The following INPP5K variants were observed in gnomAD, a reference collection of about 807,000 sequenced individuals.
The protein encoded by INPP5K is inositol polyphosphate-5-phosphatase K, also known as inositol polyphosphate 5-phosphatase K.
A neutral mutation model predicts 53.5 loss-of-function variants in INPP5K; 35 were observed. The ratio of observed to expected loss-of-function variants is 0.65; its 90% CI spans 0.50 to 0.87. The LOEUF is 0.87. Among genes scored for constraint, INPP5K ranks in the 40% least tolerant of loss-of-function variants. INPP5K has a pLI of 0.00. For missense variants in INPP5K, 550 were observed against 586.2 expected (o/e 0.94, Z 0.64); for synonymous variants, 253 against 232.8 (o/e 1.09, Z -0.79).
chr17:1,516,136 A>C, intron 1 of INPP5K: 1 of 1,274,036 alleles, frequency 7.8e-7, no homozygotes, highest in East Asian at 3.7e-5. Context: ...AAAGTAGGAA[A>C]AAGATTTCTA....
At position 1,495,954 on chromosome 17, in the gene INPP5K, C is replaced by T. The variant is rs866400524; in HGVS notation, c.1291-75G>A. On this transcript the variant is annotated intron_variant, in intron 11 of 11. Coordinates refer to ENST00000421807, the MANE Select transcript of INPP5K (RefSeq NM_016532.4). ...GCTTTCCATCACCCCCGTTCCTGCA[C>T]TGCAGCGGCCCCTCATGTACCGGCT... is the stretch of plus-strand genomic sequence containing the variant. 2.1e-6 allele frequency: 3 copies of T among 1,430,268 alleles called. No individual in the cohort carries two copies. In the Middle Eastern group the frequency reaches 5.3e-4, roughly 253 times the overall value. 88.6% of individuals were successfully genotyped at this position (1,430,268 alleles called of 1,614,324 possible).
chr17:1,508,612 C>A, intron 5 of INPP5K: 1 of 302,244 alleles, frequency 3.3e-6, no homozygotes, highest in East Asian at 9.0e-5. Flanking sequence ...CCCAGGCAGG[C>A]AAAGCAAGGG....
intron 7 of INPP5K, among the ~76,000 whole-genome samples, chr17:1,501,379 CAG>C (rs2075008806): frequency 1.3e-5 from 2 of 152,210 alleles, no homozygotes; most frequent in South Asian, 4.1e-4. Flanking sequence ...ACTTTTGAAT[CAG>C]AGACCAGTTG....
At chr17:1,511,886 C>A (rs4566238) in intron 3 of INPP5K, among the ~76,000 whole-genome samples, 14,107 of 124,098 alleles carry the variant, frequency 0.11, 827 homozygotes, top group East Asian at 0.16. Context: ...AGGGTGGGGT[C>A]GGGGCAGGAC....
intron 7 of INPP5K, among the ~76,000 whole-genome samples, chr17:1,502,616 C>T (rs1331982017): frequency 3.3e-5 from 5 of 151,814 alleles, no homozygotes; most frequent in African/African-American, 2.4e-5. Flanking sequence ...TTATGTGCCC[C>T]GCAACTGGGG....
At chr17:1,500,995 A>G (rs894052729) in intron 7 of INPP5K, among the ~76,000 whole-genome samples, 5 of 135,480 alleles carry the variant, frequency 3.7e-5, no homozygotes, top group Non-Finnish European at 6.2e-5. Flanking sequence ...GAGTCTCGCT[A>G]TCGCCCAGGC....
At position 1,498,033 on chromosome 17, in the gene INPP5K, G is replaced by A. The variant is rs61735262; in HGVS notation, c.866C>T (p.Pro289Leu). 1,421 of 1,614,104 alleles carry A rather than the reference G, an allele frequency of 8.8e-4. 9 individuals are homozygous for A. In the African/African-American group the frequency reaches 0.015, roughly 17 times the overall value. ...CAGAGACAAGGAGAAGTGTGACGCC[G>A]GCGGTATGGGAGTGTCGGGGCCAGC... ...PCAGPDTPIP[P>L]ASHFSLSLRG... Residue 289 changes from proline (P) to leucine (L), a missense_variant, in exon 8 of 12, where the codon CCG (proline) becomes CTG (leucine). Coordinates refer to ENST00000421807, the MANE Select transcript of INPP5K (RefSeq NM_016532.4).
At chr17:1,499,040 A>G (rs2074936044) in intron 7 of INPP5K, among the ~76,000 whole-genome samples, 1 of 152,244 alleles carries the variant, frequency 6.6e-6, no homozygotes, top group Non-Finnish European at 1.5e-5. Flanking sequence ...CTTAACCACC[A>G]AACTAAACTA....
chr17:1,509,740 C>T lies in INPP5K; in HGVS notation c.321G>A (p.Leu107=). ...LLLVFAKYQH[L]PYIQILSTKS... is the part of the protein sequence containing the mutation. ...TAGTAGACAGAATCTGGATATAGGG[C>T]AAATGCTGATACTTGGCAAAGACCA... Residue 107 remains leucine (L), a synonymous_variant, in exon 4 of 12, where the codon TTG becomes TTA. Coordinates refer to ENST00000421807, the MANE Select transcript of INPP5K (RefSeq NM_016532.4). 6.2e-7 allele frequency: 1 copy of T among 1,613,822 alleles called. No individual in the cohort carries two copies. The highest frequency in any genetic ancestry group is 1.1e-5 in the South Asian group (1 of 91,050).
intron 1 of INPP5K, chr17:1,515,803 A>G (rs1048922494): frequency 2.6e-6 from 2 of 755,414 alleles, no homozygotes; most frequent in Non-Finnish European, 1.6e-6. Flanking sequence ...TTTGAGCTTC[A>G]TTTGTTTACG....
chr17:1,510,711 T>C (rs2075287249), intron 3 of INPP5K, among the ~76,000 whole-genome samples: 1 of 152,128 alleles, frequency 6.6e-6, no homozygotes, highest in South Asian at 2.1e-4. Flanking sequence ...GCTGCAGCCT[T>C]GACATCCTGG....
At chr17:1,503,769 C>T (rs2075091245) in intron 7 of INPP5K, among the ~76,000 whole-genome samples, 1 of 152,108 alleles carries the variant, frequency 6.6e-6, no homozygotes. Context: ...TATAACAAAA[C>T]TCCAGTGTAA....
In INPP5K at chr17:1,503,098, C is replaced by T. The variant is rs186390186; in HGVS notation, c.776+3882G>A. The stretch of plus-strand genomic sequence containing the variant: ...ATGGGGTTTCACCATGTTGCCCAGG[C>T]TGAACCTGAGCTCCTGGGTTCAAGT... On this transcript the variant is annotated intron_variant, in intron 7 of 11. Coordinates refer to ENST00000421807, the MANE Select transcript of INPP5K (RefSeq NM_016532.4). Among the ~76,000 whole-genome samples, 6 of 151,904 alleles carry T rather than the reference C, an allele frequency of 3.9e-5. No homozygotes were observed. In the East Asian group the frequency reaches 1.2e-3, roughly 29 times the overall value.
In INPP5K at chr17:1,506,979, C is replaced by A. The variant is rs1181303723; in HGVS notation, c.776+1G>T. 2.5e-6 allele frequency: 4 copies of A among 1,610,438 alleles called. No individual in the cohort carries two copies. The highest frequency in any genetic ancestry group is 3.4e-6 in the Non-Finnish European group (4 of 1,176,764). On this transcript the variant is annotated splice_donor_variant, in intron 7 of 11. Transcript: ENST00000421807. LOFTEE classifies it high-confidence loss of function. ...CTTCTGGCCCCCCACTCCCTCCTCA[C>A]CTGGTGTCATAGTCGTTGGAGTTCC... is the stretch of plus-strand genomic sequence containing the variant.
At chr17:1,502,130 ATG>A in intron 7 of INPP5K, among the ~76,000 whole-genome samples, 2 of 151,952 alleles carry the variant, frequency 1.3e-5, no homozygotes, top group Non-Finnish European at 2.9e-5. Context: ...CGGGCAGATC[ATG>A]AGGTCAGGAC....
intron 3 of INPP5K, among the ~76,000 whole-genome samples, chr17:1,512,139 C>T (rs1317962003): frequency 6.6e-6 from 1 of 152,176 alleles, no homozygotes; most frequent in Middle Eastern, 3.2e-3. Flanking sequence ...GTGCCAGGCC[C>T]TCAGTCTGGC....
chr17:1,507,809 T>C (rs1458497032), intron 6 of INPP5K: 3 of 221,478 alleles, frequency 1.4e-5, no homozygotes, highest in Admixed American at 5.3e-5. Context: ...CCTCCCAGAG[T>C]GCTGGAATTA....
intron 8 of INPP5K, among the ~76,000 whole-genome samples, chr17:1,497,534 A>G (rs1168856237): frequency 1.3e-5 from 2 of 152,174 alleles, no homozygotes; most frequent in Non-Finnish European, 2.9e-5. Flanking sequence ...AGCAGCCTGA[A>G]GGAGGCCAAC....
intron 5 of INPP5K, 132 bp downstream of exon 5, chr17:1,509,046 C>G (rs1181547017): frequency 3.7e-6 from 3 of 804,314 alleles, no homozygotes; most frequent in Non-Finnish European, 5.8e-6. Flanking sequence ...TCTGCAGACC[C>G]AGGCTCACTC....
Sources: gnomAD v4.1 joint callset for allele counts (sites outside exome capture counted in the v4.1 genomes callset) on GRCh38, gnomAD v4.1.1 for gene constraint, MANE v1.5 for transcripts, NCBI Gene and HGNC (gene_info 2026-07-23, HGNC 2026-07-21) for gene names.